FAM98B: variants seen among roughly 807,000 people sequenced by gnomAD.
The protein encoded by FAM98B is tRNA splicing ligase complex subunit 3B, also known as tRNA-splicing ligase complex subunit FAM98B.
In FAM98B, 32 loss-of-function variants were observed where a neutral mutation model predicts 43.9. The ratio of observed to expected loss-of-function variants is 0.73; its 90% CI spans 0.55 to 0.98. The LOEUF (loss-of-function observed/expected upper bound fraction) is 0.98, where lower values mean the gene tolerates loss of function less well. Ranked by LOEUF, FAM98B falls within the 50% of genes least tolerant of loss-of-function variation. The pLI, the probability that FAM98B is intolerant of heterozygous loss-of-function variation, is 0.00. For synonymous variants in FAM98B, 190 were observed against 174.0 expected (o/e 1.09, Z -0.72); for missense variants, 514 against 522.9 (o/e 0.98, Z 0.17).
chr15:38,455,335 T>C (rs1390000106), intron 1 of FAM98B, among the ~76,000 whole-genome samples: 1 of 152,248 alleles, frequency 6.6e-6, no homozygotes, highest in Non-Finnish European at 1.5e-5. Context: ...TGCTACGTGC[T>C]GCTGTTTCTT....
intron 3 of FAM98B, among the ~76,000 whole-genome samples, chr15:38,465,651 G>A (rs1890018682): frequency 6.6e-6 from 1 of 151,956 alleles, no homozygotes; most frequent in Non-Finnish European, 1.5e-5. Context: ...TAGTACTTTA[G>A]TAATTTTTCC....
At position 38,484,516 on chromosome 15, in the gene FAM98B, T is replaced by C; in HGVS notation, c.1159T>C (p.Phe387Leu). Reference sequence around the variant, plus strand: ...AGGAGGAGGAGGTGGTAGAGGAGGTTTCCAAGGCAGGGGAGATTATGGTGG... The same window carrying C: ...AGGAGGAGGAGGTGGTAGAGGAGGTCTCCAAGGCAGGGGAGATTATGGTGG... ...GGGGGGGRGG[F>L]QGRGDYGGRG... The change falls in exon 8 of 8, where the codon TTC (phenylalanine) becomes CTC (leucine). Residue 387 changes from phenylalanine (F) to leucine (L), a missense_variant. Phe to Leu is a conservative substitution (Grantham distance 22). Transcript: ENST00000397609. The C allele has an allele frequency of 8.0e-7, 1 of 1,253,116 alleles. No individual in the cohort carries two copies. The highest frequency in any genetic ancestry group is 1.0e-6 in the Non-Finnish European group (1 of 998,122). 77.6% of individuals were successfully genotyped at this position (1,253,116 alleles called of 1,614,324 possible). A position where few individuals can be genotyped will look rare whatever the true frequency, so the allele number is the denominator to read the frequency against.
chr15:38,465,487 A>T (rs948661441), intron 3 of FAM98B, 84 bp downstream of exon 3: 5 of 1,283,090 alleles, frequency 3.9e-6, no homozygotes, highest in Non-Finnish European at 5.3e-6. Flanking sequence ...GAAGCATTAG[A>T]CATTTTGTAT....
At position 38,457,978 on chromosome 15, in the gene FAM98B, A is replaced by G. The variant is rs117540443; in HGVS notation, c.71+3746A>G. ...CTTACTTTTTTTTTTTTTTTTTAAGAAAGAGAATTTTCAGAGTCAAAAGAA... is the reference window on the plus strand; with the variant it reads ...CTTACTTTTTTTTTTTTTTTTTAAGGAAGAGAATTTTCAGAGTCAAAAGAA... On this transcript the variant is annotated intron_variant, in intron 1 of 7. Transcript: ENST00000397609. Among the ~76,000 whole-genome samples the G allele has an allele frequency of 8.3e-3, 1,254 of 150,592 alleles. 11 individuals carry two copies. Among genetic ancestry groups the G allele is most frequent in the South Asian group, 0.058 (275 of 4,760 alleles).
At chr15:38,457,596 C>T (rs949545329) in intron 1 of FAM98B, among the ~76,000 whole-genome samples, 4 of 151,954 alleles carry the variant, frequency 2.6e-5, no homozygotes, top group South Asian at 2.1e-4. Context: ...GGCAAGGGTG[C>T]AAGGGGGGCT....
chr15:38,465,884 A>C (rs1890024380), intron 3 of FAM98B, among the ~76,000 whole-genome samples: 1 of 152,044 alleles, frequency 6.6e-6, no homozygotes, highest in Non-Finnish European at 1.5e-5. Context: ...GGACACTTTA[A>C]ATGTGGCCAG....
intron 1 of FAM98B, 46 bp downstream of exon 1, chr15:38,454,278 C>T: frequency 3.2e-6 from 5 of 1,558,996 alleles, no homozygotes; most frequent in Non-Finnish European, 4.4e-6. Context: ...GCAACCTCTC[C>T]TTGGCCTGGC....
At chr15:38,482,637 T>G (rs1890301460) in intron 7 of FAM98B, 1 of 152,252 alleles carries the variant, frequency 6.6e-6, no homozygotes, top group Non-Finnish European at 1.5e-5. Flanking sequence ...ATTTGTGACA[T>G]AAATCCTAAA....
intron 1 of FAM98B, among the ~76,000 whole-genome samples, chr15:38,460,370 G>T (rs975195082): frequency 2.1e-5 from 3 of 143,690 alleles, no homozygotes; most frequent in African/African-American, 7.5e-5. Context: ...AATTTCTCAT[G>T]TACTGCAAGA....
At chr15:38,474,103 T>C in intron 5 of FAM98B, 79 bp from the exon 6 acceptor site, 2 of 1,038,970 alleles carry the variant, frequency 1.9e-6, no homozygotes, top group Non-Finnish European at 2.9e-6. Flanking sequence ...TAGGAAGTAC[T>C]TAGCACAATT....
rs772547830 is a variant in FAM98B at position 38,464,088 on chromosome 15, T to G, written c.128T>G (p.Leu43Ter). Reference protein sequence around the residue: ...QALTKAAEGGLSSPEFSELCI... With the variant: ...QALTKAAEGG ...CTTACAAAGGCGGCAGAGGGTGGAT[T>G]ATCTTCACCTGAATTTTCAGAGCTC... The change falls in exon 2 of 8, where the codon TTA (leucine) becomes TGA (stop). Residue 43 changes from leucine to a stop codon, truncating the protein, a stop_gained. Transcript: ENST00000397609. LOFTEE classifies it high-confidence loss of function. 6.2e-7 allele frequency: 1 copy of G among 1,613,610 alleles called. No individual in the cohort carries two copies. Among genetic ancestry groups the G allele is most frequent in the Non-Finnish European group, 8.5e-7 (1 of 1,179,804 alleles).
intron 3 of FAM98B, among the ~76,000 whole-genome samples, chr15:38,469,740 A>G (rs1037595529): frequency 1.3e-5 from 2 of 152,114 alleles, no homozygotes; most frequent in Non-Finnish European, 2.9e-5. Context: ...GTAGTATTAA[A>G]TAAATTCATT....
At chr15:38,481,493 TTGA>T in intron 7 of FAM98B, 34 bp downstream of exon 7, 1 of 1,614,162 alleles carries the variant, frequency 6.2e-7, no homozygotes, top group African/African-American at 1.3e-5. Context: ...GGAAAATGAA[TTGA>T]TGATATCTTA....
Position 38,484,697 on chromosome 15 carries a change from T to C in FAM98B, c.*38T>C. Reference sequence around the variant, plus strand: ...TTAGATAGCAGTGCTTGCTTCTTTATAGATACATTAGAAATAGTGTTCCAA... The same window carrying C: ...TTAGATAGCAGTGCTTGCTTCTTTACAGATACATTAGAAATAGTGTTCCAA... On this transcript the variant is annotated 3_prime_UTR_variant, in exon 8 of 8. Coordinates refer to ENST00000397609, the MANE Select transcript of FAM98B (RefSeq NM_173611.4). 6.7e-7 allele frequency: 1 copy of C among 1,494,932 alleles called. No homozygotes were observed. Among genetic ancestry groups the C allele is most frequent in the Non-Finnish European group, 8.8e-7 (1 of 1,131,322 alleles). 92.6% of individuals were successfully genotyped at this position (1,494,932 alleles called of 1,614,324 possible). A position where few individuals can be genotyped will look rare whatever the true frequency, so the allele number is the denominator to read the frequency against.
At chr15:38,462,897 T>C (rs1223955464) in intron 1 of FAM98B, among the ~76,000 whole-genome samples, 2 of 152,144 alleles carry the variant, frequency 1.3e-5, no homozygotes, top group African/African-American at 2.4e-5. Context: ...GATGTTGTTG[T>C]AGAAAGCAAG....
At chr15:38,474,111 A>T in intron 5 of FAM98B, 71 bp from the exon 6 acceptor site, 1 of 1,170,550 alleles carries the variant, frequency 8.5e-7, no homozygotes, top group Non-Finnish European at 1.3e-6. Flanking sequence ...ACTTAGCACA[A>T]TTTTCAGATT....
Position 38,485,474 on chromosome 15 carries a change from C to G in FAM98B, c.*815C>G, listed in dbSNP as rs143126446. On this transcript the variant is annotated 3_prime_UTR_variant, in exon 8 of 8. Transcript: ENST00000397609. Reference sequence around the variant, plus strand: ...TATTAAAAGGCAGGCTGACCTGTATCACACAGAATTAAGGCAGTAATTTTC... The same window carrying G: ...TATTAAAAGGCAGGCTGACCTGTATGACACAGAATTAAGGCAGTAATTTTC... The G allele has an allele frequency of 1.5e-4, 23 of 152,304 alleles. 1 individual carries two copies. Among genetic ancestry groups the G allele is most frequent in the African/African-American group, 5.3e-4 (22 of 41,550 alleles). 9.4% of individuals were successfully genotyped at this position (152,304 alleles called of 1,614,324 possible). A position where few individuals can be genotyped will look rare whatever the true frequency, so the allele number is the denominator to read the frequency against.
intron 1 of FAM98B, among the ~76,000 whole-genome samples, chr15:38,458,484 T>G (rs368199590): frequency 4.6e-5 from 7 of 152,140 alleles, no homozygotes; most frequent in African/African-American, 1.7e-4. Context: ...CGCTATATGC[T>G]GGGGCCACAG....
rs1566897799 is a variant in FAM98B at position 38,464,146 on chromosome 15, A to T, written c.186A>T (p.Leu62Phe). 2 of 1,613,218 alleles carry T rather than the reference A, an allele frequency of 1.2e-6. No homozygotes were observed. The highest frequency in any genetic ancestry group is 1.7e-6 in the Non-Finnish European group (2 of 1,179,598). Residue 62 changes from leucine (L) to phenylalanine (F), a missense_variant, in exon 2 of 8, where the codon TTA (leucine) becomes TTT (phenylalanine). By Grantham distance (22) the Leu-to-Phe change is conservative (BLOSUM62 0). Transcript: ENST00000397609. ...GGTTAGGCTCTCAAATAAAATCATT[A>T]TGCAACTTGGAAGAAAGTATCACGT... The part of the protein sequence containing the change: ...CIWLGSQIKS[L>F]CNLEESITSA...
Sources: gnomAD v4.1 joint callset for allele counts (sites outside exome capture counted in the v4.1 genomes callset) on GRCh38, gnomAD v4.1.1 for gene constraint, MANE v1.5 for transcripts, NCBI Gene and HGNC (gene_info 2026-07-23, HGNC 2026-07-21) for gene names.